RALGAPA1: variants seen among roughly 807,000 people sequenced by gnomAD.
RALGAPA1 encodes Ral GTPase activating protein catalytic subunit alpha 1, also known as ral GTPase-activating protein subunit alpha-1.
RALGAPA1 carries 52 observed loss-of-function variants against 269.6 expected under a neutral mutation model. That is an observed-to-expected ratio of 0.19 (90% CI 0.15 to 0.24). The LOEUF (loss-of-function observed/expected upper bound fraction) is 0.24. Ranked by LOEUF, RALGAPA1 falls within the 10% of genes least tolerant of loss-of-function variation. The pLI, the probability that RALGAPA1 is intolerant of heterozygous loss-of-function variation, is 1.00. For missense variants in RALGAPA1, 1,917 were observed against 3,013.9 expected (o/e 0.64, Z 8.52); for synonymous variants, 817 against 1,008.3 (o/e 0.81, Z 3.60).
At position 35,627,809 on chromosome 14, in the gene RALGAPA1, A is replaced by G; in HGVS notation, c.6138T>C (p.His2046=). Residue 2046 remains histidine, a synonymous_variant, in exon 34 of 42, where the codon CAT becomes CAC. Transcript: ENST00000680220. The part of the protein sequence containing the change: ...TSQVCENHDN[H]YSESTELSPE... ...GAGAAAGTTCAGTACTTTCACTGTAATGATTGTCGTGATTTTCACACACCT... is the reference window on the plus strand; with the variant it reads ...GAGAAAGTTCAGTACTTTCACTGTAGTGATTGTCGTGATTTTCACACACCT... 6.3e-7 allele frequency: 1 copy of G among 1,575,700 alleles called. No individual in the cohort carries two copies. Among genetic ancestry groups the G allele is most frequent in the Non-Finnish European group, 8.7e-7 (1 of 1,152,108 alleles).
intron 36 of RALGAPA1, 46 bp from the exon 37 acceptor site, chr14:35,595,835 A>C (rs2058899997): frequency 6.6e-7 from 1 of 1,511,478 alleles, no homozygotes; most frequent in African/African-American, 1.4e-5. Context: ...CAAAACCCAA[A>C]TACACTACAG....
chr14:35,778,404 C>T (rs2075200956), intron 1 of RALGAPA1, among the ~76,000 whole-genome samples: 1 of 152,084 alleles, frequency 6.6e-6, no homozygotes, highest in Non-Finnish European at 1.5e-5. Context: ...GTTTTTTGTT[C>T]TGCCATTCCA....
chr14:35,674,177 T>C lies in RALGAPA1; in HGVS notation c.4917+3A>G. The C allele has an allele frequency of 6.3e-7, 1 of 1,592,376 alleles. No homozygotes were observed. Among genetic ancestry groups the C allele is most frequent in the Non-Finnish European group, 8.6e-7 (1 of 1,163,986 alleles). On this transcript the variant is annotated splice_donor_region_variant and intron_variant, in intron 24 of 41. Coordinates refer to ENST00000680220, the MANE Select transcript of RALGAPA1 (RefSeq NM_001346249.2). The stretch of plus-strand genomic sequence containing the variant: ...AAACTAATATTTTATATATTAAGCT[T>C]ACCTTAAAAAGCCAAGGTGTAAGAA...
At chr14:35,592,560 G>A (rs1024610755) in intron 37 of RALGAPA1, among the ~76,000 whole-genome samples, 6 of 152,120 alleles carry the variant, frequency 3.9e-5, no homozygotes, top group African/African-American at 1.2e-4. Context: ...GAAAACTACA[G>A]GTCAATTTCT....
At chr14:35,758,272 CGAAAA>C (rs754001230) in intron 6 of RALGAPA1, among the ~76,000 whole-genome samples, 295 of 148,002 alleles carry the variant, frequency 2.0e-3, no homozygotes, top group Admixed American at 4.7e-3. Context: ...AAAAACAAAC[CGAAAA>C]GAAAAGAAGT....
At chr14:35,748,170 G>C (rs1318309160) in intron 10 of RALGAPA1, among the ~76,000 whole-genome samples, 2 of 151,776 alleles carry the variant, frequency 1.3e-5, no homozygotes, top group Non-Finnish European at 2.9e-5. Context: ...TACGCTAAAA[G>C]TATCACAAAC....
At chr14:35,752,629 G>A (rs1274199863) in intron 7 of RALGAPA1, among the ~76,000 whole-genome samples, 1 of 152,104 alleles carries the variant, frequency 6.6e-6, no homozygotes, top group African/African-American at 2.4e-5. Flanking sequence ...AGAGGAGTGA[G>A]GAGGGTGTCC....
intron 26 of RALGAPA1, among the ~76,000 whole-genome samples, chr14:35,667,336 T>G (rs2064026037): frequency 6.6e-6 from 1 of 152,084 alleles, no homozygotes; most frequent in South Asian, 2.1e-4. Context: ...AGGCGGAAGT[T>G]ACAGTGAGCT....
At chr14:35,793,595 A>AACAC (rs33911524) in intron 1 of RALGAPA1, among the ~76,000 whole-genome samples, 1,529 of 150,210 alleles carry the variant, frequency 0.01, 13 homozygotes, top group South Asian at 0.014. Context: ...TACACACACA[A>AACAC]ACACACACAC....
intron 39 of RALGAPA1, among the ~76,000 whole-genome samples, chr14:35,556,518 C>G (rs950991191): frequency 6.6e-6 from 1 of 152,096 alleles, no homozygotes; most frequent in African/African-American, 2.4e-5. Context: ...ATTGCTTATA[C>G]TATGTTAATA....
At chr14:35,572,424 A>C (rs1213252936) in intron 38 of RALGAPA1, 136 bp downstream of exon 38, 1 of 574,920 alleles carries the variant, frequency 1.7e-6, no homozygotes, top group Non-Finnish European at 2.9e-6. Context: ...TGTAGCTACC[A>C]GGGTCTATGT....
At chr14:35,618,366 T>C (rs914880828) in intron 35 of RALGAPA1, among the ~76,000 whole-genome samples, 1 of 152,100 alleles carries the variant, frequency 6.6e-6, no homozygotes, top group Non-Finnish European at 1.5e-5. Flanking sequence ...AGTTAAAAAA[T>C]CAAAACTATA....
chr14:35,725,543 A>G (rs2069817450), intron 13 of RALGAPA1, among the ~76,000 whole-genome samples: 1 of 152,198 alleles, frequency 6.6e-6, no homozygotes, highest in African/African-American at 2.4e-5. Flanking sequence ...CATCTTTATA[A>G]TATGGAGAAT....
intron 12 of RALGAPA1, among the ~76,000 whole-genome samples, chr14:35,730,506 C>T (rs531434475): frequency 5.1e-5 from 6 of 116,930 alleles, no homozygotes; most frequent in African/African-American, 7.7e-5. Context: ...AAACCCTGCT[C>T]GCCCACTGCC....
chr14:35,668,563 A>C (rs2064147087), intron 26 of RALGAPA1, among the ~76,000 whole-genome samples: 1 of 152,000 alleles, frequency 6.6e-6, no homozygotes, highest in African/African-American at 2.4e-5. Flanking sequence ...AGGCCAAGGC[A>C]GGGAGGATTA....
intron 16 of RALGAPA1, among the ~76,000 whole-genome samples, chr14:35,719,691 T>C (rs552671840): frequency 2.3e-3 from 348 of 152,224 alleles, no homozygotes; most frequent in Non-Finnish European, 4.1e-3. Flanking sequence ...AATGTACTTT[T>C]AAAAAAAGAT....
intron 34 of RALGAPA1, among the ~76,000 whole-genome samples, chr14:35,626,702 A>C (rs1326363616): frequency 6.6e-6 from 1 of 152,180 alleles, no homozygotes; most frequent in Non-Finnish European, 1.5e-5. Flanking sequence ...TCAGAAAACA[A>C]AATAATTTTT....
At chr14:35,702,885 G>A (rs748406122) in intron 16 of RALGAPA1, among the ~76,000 whole-genome samples, 3 of 151,652 alleles carry the variant, frequency 2.0e-5, no homozygotes, top group Middle Eastern at 3.4e-3. Flanking sequence ...GACTACAGGC[G>A]CCTGCTACCA....
intron 1 of RALGAPA1, among the ~76,000 whole-genome samples, chr14:35,796,947 C>T (rs569456196): frequency 2.0e-5 from 3 of 152,074 alleles, no homozygotes; most frequent in African/African-American, 4.8e-5. Flanking sequence ...GCCACCACAC[C>T]GGGTTAATTT....
Sources: gnomAD v4.1 joint callset for allele counts (sites outside exome capture counted in the v4.1 genomes callset) on GRCh38, gnomAD v4.1.1 for gene constraint, MANE v1.5 for transcripts, NCBI Gene and HGNC (gene_info 2026-07-23, HGNC 2026-07-21) for gene names.